The following GAS2 variants were observed in gnomAD, a reference collection of about 807,000 sequenced individuals.
The protein encoded by GAS2 is growth arrest-specific protein 2.
A neutral mutation model predicts 37.5 loss-of-function variants in GAS2; 20 were observed. The observed-to-expected ratio is 0.53, with a 90% CI of 0.37 to 0.77. The LOEUF (loss-of-function observed/expected upper bound fraction) is 0.77, where lower values mean the gene tolerates loss of function less well. GAS2 is among the 30% of genes least tolerant of loss of function. The pLI is 0.00. For missense variants in GAS2, 336 were observed against 373.4 expected, an observed-to-expected ratio of 0.90 and a Z score of 0.82; for synonymous variants, 144 against 132.2, an observed-to-expected ratio of 1.09 and a Z score of -0.61.
intron 4 of GAS2, among the ~76,000 whole-genome samples, chr11:22,735,760 G>C (rs1852720038): frequency 6.6e-6 from 1 of 151,768 alleles, no homozygotes; most frequent in Non-Finnish European, 1.5e-5. Context: ...ATCTTTTATA[G>C]TTGGTTATTA....
intron 3 of GAS2, among the ~76,000 whole-genome samples, chr11:22,722,845 T>A (rs1852012408): frequency 6.6e-6 from 1 of 151,868 alleles, no homozygotes; most frequent in Non-Finnish European, 1.5e-5. Context: ...TAAAAAAGCT[T>A]TCATGAGTAA....
At chr11:22,640,339 A>T (rs999854395) in intron 1 of GAS2, among the ~76,000 whole-genome samples, 1 of 152,250 alleles carries the variant, frequency 6.6e-6, no homozygotes, top group Non-Finnish European at 1.5e-5. Flanking sequence ...GAAATTTGTG[A>T]TATGGAAAAT....
intron 5 of GAS2, among the ~76,000 whole-genome samples, chr11:22,747,195 G>A (rs2134278124): frequency 6.6e-6 from 1 of 152,210 alleles, no homozygotes; most frequent in Admixed American, 6.5e-5. Context: ...TTTTATATGA[G>A]AATAGAGAAT....
chr11:22,795,034 A>G (rs1426516954), intron 7 of GAS2, among the ~76,000 whole-genome samples: 1 of 152,204 alleles, frequency 6.6e-6, no homozygotes, highest in Non-Finnish European at 1.5e-5. Flanking sequence ...TCTAGGAAAT[A>G]AGGATGTATC....
Position 22,682,521 on chromosome 11 carries a change from A to G in GAS2, c.146-3147A>G, listed in dbSNP as rs150757000. 2.0e-5 allele frequency among the ~76,000 whole-genome samples: 3 copies of G among 152,328 alleles called. No individual in the cohort carries two copies. The East Asian group carries it at 5.8e-4, about 29-fold the overall frequency. ...TCTTAAAATTTAAACTTATTTGAAT[A>G]ACATTATAATTAAGAGAATTATTTC... On this transcript the variant is annotated intron_variant, in intron 2 of 7. Coordinates refer to ENST00000454584, the MANE Select transcript of GAS2 (RefSeq NM_001143830.3).
intron 1 of GAS2, among the ~76,000 whole-genome samples, chr11:22,651,670 C>A: frequency 6.6e-6 from 1 of 152,260 alleles, no homozygotes; most frequent in East Asian, 1.9e-4. Context: ...TCATTCACTT[C>A]ATCTTACATC....
chr11:22,734,912 T>C (rs1219580474), intron 4 of GAS2, among the ~76,000 whole-genome samples: 2 of 151,848 alleles, frequency 1.3e-5, no homozygotes, highest in Non-Finnish European at 2.9e-5. Context: ...TTTAGTATAA[T>C]ATAGATACTA....
intron 7 of GAS2, among the ~76,000 whole-genome samples, chr11:22,779,030 C>T (rs1036843705): frequency 1.3e-5 from 2 of 149,110 alleles, no homozygotes; most frequent in Admixed American, 6.7e-5. Context: ...AAACAATGAT[C>T]CCATTAAGTT....
chr11:22,763,267 ACT>A (rs1854493778), intron 7 of GAS2, among the ~76,000 whole-genome samples: 1 of 152,100 alleles, frequency 6.6e-6, no homozygotes. Context: ...GTAAAAATCA[ACT>A]CTCTGAAACA....
chr11:22,721,794 T>C (rs568254157), intron 3 of GAS2, among the ~76,000 whole-genome samples: 5 of 152,100 alleles, frequency 3.3e-5, no homozygotes, highest in Admixed American at 3.3e-4. Context: ...AGGGTAAAGA[T>C]AGGAAGAAGT....
intron 3 of GAS2, among the ~76,000 whole-genome samples, chr11:22,713,898 G>C (rs115627041): frequency 0.014 from 2,176 of 152,160 alleles, 51 homozygotes; most frequent in African/African-American, 0.05. Flanking sequence ...AAAATAGAAT[G>C]TCCTTGAAGC....
upstream of GAS2, among the ~76,000 whole-genome samples, chr11:22,664,748 T>C (rs1213933845): frequency 6.6e-6 from 1 of 152,002 alleles, no homozygotes; most frequent in Non-Finnish European, 1.5e-5. Flanking sequence ...AATATATAAA[T>C]AGAAATATTG....
chr11:22,674,124 G>C (rs1022457916), intron 1 of GAS2, among the ~76,000 whole-genome samples: 2 of 152,106 alleles, frequency 1.3e-5, no homozygotes, highest in Admixed American at 1.3e-4. Flanking sequence ...AAGAGTAGTG[G>C]TCTTGGGAAT....
intron 3 of GAS2, among the ~76,000 whole-genome samples, chr11:22,724,829 T>G (rs1041551958): frequency 2.0e-5 from 3 of 152,090 alleles, no homozygotes; most frequent in African/African-American, 7.2e-5. Flanking sequence ...TAAGTTATTA[T>G]GTATAACCAC....
At position 22,754,579 on chromosome 11, in the gene GAS2, G is replaced by A. The variant is rs139766402; in HGVS notation, c.616-1267G>A. On this transcript the variant is annotated intron_variant, in intron 6 of 7. Transcript: ENST00000454584. ...ATAATTGTACATGCGATAAATTTAT[G>A]AGATAAATTTAATTTCAGGGTTTTT... 5.7e-3 allele frequency among the ~76,000 whole-genome samples: 860 copies of A among 150,990 alleles called. 14 individuals carry two copies. The highest frequency in any genetic ancestry group is 0.019 in the African/African-American group (779 of 41,048).
At chr11:22,657,857 A>G (rs1000183551) in intron 1 of GAS2, among the ~76,000 whole-genome samples, 1 of 152,136 alleles carries the variant, frequency 6.6e-6, no homozygotes, top group Non-Finnish European at 1.5e-5. Context: ...TTTACTTCAC[A>G]ATTTAGTAAT....
At chr11:22,676,209 CT>C (rs1361811773) in intron 2 of GAS2, among the ~76,000 whole-genome samples, 1 of 152,106 alleles carries the variant, frequency 6.6e-6, no homozygotes, top group South Asian at 2.1e-4. Flanking sequence ...ATGGAAGTGT[CT>C]CCCCCAGAAG....
intron 4 of GAS2, among the ~76,000 whole-genome samples, chr11:22,735,224 C>CTTTTTTTTTTTTTT (rs397750049): frequency 1.8e-5 from 2 of 109,164 alleles, no homozygotes; most frequent in Non-Finnish European, 1.8e-5. Context: ...ACCAATCATT[C>CTTTTTTTTTTTTTT]TTTTTTTTTT....
At chr11:22,696,085 C>A in intron 3 of GAS2, among the ~76,000 whole-genome samples, 1 of 122,006 alleles carries the variant, frequency 8.2e-6, no homozygotes, top group Non-Finnish European at 1.7e-5. Flanking sequence ...AATGCTATCC[C>A]TCCCCCCTCC....
Sources: allele counts gnomAD v4.1 joint callset (sites outside exome capture counted in the v4.1 genomes callset), GRCh38; gene constraint gnomAD v4.1.1; transcripts MANE v1.5; gene names NCBI Gene and HGNC (gene_info 2026-07-23, HGNC 2026-07-21).